The following FGFR2 variants were observed in gnomAD, a reference collection of about 807,000 sequenced individuals.
The protein encoded by FGFR2 is fibroblast growth factor receptor 2, also known as BEK fibroblast growth factor receptor.
A neutral mutation model predicts 95.9 loss-of-function variants in FGFR2; 19 were observed. The ratio of observed to expected loss-of-function variants is 0.20; its 90% CI spans 0.14 to 0.29. FGFR2 has a LOEUF of 0.29. Ranked by LOEUF, FGFR2 falls within the 10% of genes least tolerant of loss-of-function variation. The pLI, the probability that FGFR2 is intolerant of heterozygous loss-of-function variation, is 1.00. For synonymous variants in FGFR2, 392 were observed against 393.3 expected (o/e 1.00, Z 0.04); for missense variants, 707 against 1,056.9 (o/e 0.67, Z 4.59).
Position 121,565,654 on chromosome 10 carries a change from GCGCAGCCA to G in FGFR2, c.152_159del (p.Val51AlafsTer21). 6.2e-7 allele frequency: 1 copy of G among 1,614,204 alleles called. No homozygotes were observed. The highest frequency in any genetic ancestry group is 8.5e-7 in the Non-Finnish European group (1 of 1,180,040). Reference sequence around the variant, plus strand: ...CAGCGCACCTCTAGCGACTCCCCTGGCGCAGCCACGTACACTTCTGGTTGAGAGATTTG... The same window carrying G: ...CAGCGCACCTCTAGCGACTCCCCTGGCGTACACTTCTGGTTGAGAGATTTG... On this transcript the variant is annotated frameshift_variant, in exon 3 of 18. Coordinates refer to ENST00000358487, the MANE Select transcript of FGFR2 (RefSeq NM_000141.5). LOFTEE classifies it high-confidence loss of function.
chr10:121,516,380 T>C (rs989154666), intron 8 of FGFR2, among the ~76,000 whole-genome samples: 2 of 152,258 alleles, frequency 1.3e-5, no homozygotes, highest in Non-Finnish European at 2.9e-5. Context: ...TGAAAGCTTA[T>C]ACATTTTAAT....
intron 6 of FGFR2, among the ~76,000 whole-genome samples, chr10:121,524,090 C>G (rs1402858503): frequency 4.1e-4 from 57 of 138,156 alleles, no homozygotes; most frequent in Non-Finnish European, 2.1e-4. Flanking sequence ...CAATGCTATC[C>G]CGGCTATGTA....
chr10:121,546,164 C>T (rs1416499543), intron 5 of FGFR2, among the ~76,000 whole-genome samples: 1 of 142,930 alleles, frequency 7.0e-6, no homozygotes, highest in Non-Finnish European at 1.5e-5. Flanking sequence ...AAATATCTAG[C>T]CATGAAGGTA....
intron 11 of FGFR2, among the ~76,000 whole-genome samples, chr10:121,499,446 A>C (rs1335795137): frequency 3.9e-5 from 6 of 152,198 alleles, no homozygotes; most frequent in Non-Finnish European, 8.8e-5. Flanking sequence ...CAAAATTTAC[A>C]CTGATGTATG....
chr10:121,549,508 C>T (rs1855057731), intron 5 of FGFR2, among the ~76,000 whole-genome samples: 1 of 152,182 alleles, frequency 6.6e-6, no homozygotes, highest in African/African-American at 2.4e-5. Context: ...TGTCTCCTGG[C>T]ATTCAGGTCC....
chr10:121,482,112 C>G (rs2133734723), intron 17 of FGFR2: 2 of 1,536,408 alleles, frequency 1.3e-6, no homozygotes, highest in Non-Finnish European at 1.8e-6. Context: ...GCTGGGATTA[C>G]AGGCATGAGC....
At position 121,538,736 on chromosome 10, in the gene FGFR2, G is replaced by A. The variant is rs1260971632; in HGVS notation, c.625-21C>T. 3.1e-6 allele frequency: 5 copies of A among 1,614,016 alleles called. No homozygotes were observed. In the Admixed American group the frequency reaches 8.3e-5, roughly 27 times the overall value. On this transcript the variant is annotated intron_variant, in intron 5 of 17. Transcript: ENST00000358487. Reference sequence around the variant, plus strand: ...CGTACCTGAAAAGATCAAAGCAAAGGCGGTTATTTAACAATCCTAGCACAG... The same window carrying A: ...CGTACCTGAAAAGATCAAAGCAAAGACGGTTATTTAACAATCCTAGCACAG...
chr10:121,482,102 G>A lies in FGFR2; in HGVS notation c.2301+1596C>T, dbSNP rs3135816. ...TCCGCCTGCCTCGGCCTCCCAAAGT[G>A]CTGGGATTACAGGCATGAGCCACTG... On this transcript the variant is annotated intron_variant, in intron 17 of 17. Transcript: ENST00000358487. 10,699 of 1,429,676 alleles carry A rather than the reference G, an allele frequency of 7.5e-3. 550 individuals are homozygous for A. In the African/African-American group the frequency reaches 0.12, roughly 16 times the overall value. 88.6% of individuals were successfully genotyped at this position (1,429,676 alleles called of 1,614,324 possible). A position where few individuals can be genotyped will look rare whatever the true frequency, so the allele number is the denominator to read the frequency against.
rs1460282965 is a variant in FGFR2 at position 121,503,894 on chromosome 10, C to T, written c.1335G>A (p.Val445=). The T allele has an allele frequency of 6.2e-7, 1 of 1,614,106 alleles. No homozygotes were observed. The highest frequency in any genetic ancestry group is 1.1e-5 in the South Asian group (1 of 91,072). The stretch of plus-strand genomic sequence containing the variant: ...TTGAAGAGAGGCGTGTTGTTATCCT[C>T]ACCAGCGGGGTGTTGGAGTTCATGG... ...SSSMNSNTPL[V]RITTRLSSTA... is the part of the protein sequence containing the mutation. Residue 445 remains valine (V), a synonymous_variant, in exon 10 of 18, where the codon GTG becomes GTA. Coordinates refer to ENST00000358487, the MANE Select transcript of FGFR2 (RefSeq NM_000141.5).
chr10:121,502,455 C>G (rs1334663178), intron 10 of FGFR2, among the ~76,000 whole-genome samples: 1 of 152,152 alleles, frequency 6.6e-6, no homozygotes, highest in Non-Finnish European at 1.5e-5. Flanking sequence ...CAAATAATAT[C>G]CATACAATTA....
intron 13 of FGFR2, among the ~76,000 whole-genome samples, chr10:121,493,294 C>T (rs1176740559): frequency 1.3e-5 from 2 of 152,204 alleles, no homozygotes; most frequent in African/African-American, 2.4e-5. Flanking sequence ...TACTTCCGTT[C>T]TTCCACGATT....
intron 9 of FGFR2, among the ~76,000 whole-genome samples, chr10:121,505,692 C>T (rs1010256279): frequency 3.3e-5 from 5 of 152,158 alleles, no homozygotes; most frequent in African/African-American, 4.8e-5. Context: ...TTAAAGTCCC[C>T]GCCATGTGGT....
intron 2 of FGFR2, 68 bp downstream of exon 2, chr10:121,593,641 C>T: frequency 7.4e-7 from 1 of 1,353,860 alleles, no homozygotes; most frequent in Non-Finnish European, 1.1e-6. Context: ...GATTCTAAAA[C>T]AGGCCTTAAC....
chr10:121,584,030 A>G (rs45631582), intron 2 of FGFR2, among the ~76,000 whole-genome samples: 18,062 of 151,958 alleles, frequency 0.12, 1,521 homozygotes, highest in African/African-American at 0.25. Context: ...TATCATCATC[A>G]CCATCATCAT....
chr10:121,522,684 C>A (rs776965801), intron 6 of FGFR2, among the ~76,000 whole-genome samples: 6 of 152,194 alleles, frequency 3.9e-5, no homozygotes, highest in Non-Finnish European at 7.3e-5. Flanking sequence ...TCTTGTCGTA[C>A]AAACTTACTG....
At chr10:121,589,002 T>A (rs987444568) in intron 2 of FGFR2, among the ~76,000 whole-genome samples, 1 of 152,154 alleles carries the variant, frequency 6.6e-6, no homozygotes, top group Non-Finnish European at 1.5e-5. Context: ...CACAGTTGCA[T>A]AAAACCTACT....
intron 2 of FGFR2, among the ~76,000 whole-genome samples, chr10:121,587,175 A>T (rs960622005): frequency 1.3e-5 from 2 of 152,188 alleles, no homozygotes; most frequent in Admixed American, 6.5e-5. Context: ...CCTATTCAAT[A>T]AATGGTGCTG....
At chr10:121,582,053 C>T (rs1861014270) in intron 2 of FGFR2, among the ~76,000 whole-genome samples, 1 of 152,020 alleles carries the variant, frequency 6.6e-6, no homozygotes, top group African/African-American at 2.4e-5. Flanking sequence ...TGCCTCCGCC[C>T]CCCAAGTACC....
intron 6 of FGFR2, among the ~76,000 whole-genome samples, chr10:121,524,101 T>TACACACACACACACACACAC (rs61527395): frequency 2.2e-5 from 2 of 89,132 alleles, no homozygotes; most frequent in Admixed American, 2.3e-4. Flanking sequence ...CGGCTATGTA[T>TACACACACACACACACACAC]ACACACACAC....
Sources: gnomAD v4.1 joint callset for allele counts (sites outside exome capture counted in the v4.1 genomes callset) on GRCh38, gnomAD v4.1.1 for gene constraint, MANE v1.5 for transcripts, NCBI Gene and HGNC (gene_info 2026-07-23, HGNC 2026-07-21) for gene names.